SLITRK2: variants seen among roughly 807,000 people sequenced by gnomAD.
The protein encoded by SLITRK2 is SLIT and NTRK like family member 2.
Under a neutral mutation model 35.4 loss-of-function variants are expected in SLITRK2, and 13 were observed. That is an observed-to-expected ratio of 0.37 (90% CI 0.24 to 0.58). SLITRK2 has a LOEUF of 0.58. Ranked by LOEUF, SLITRK2 falls within the 20% of genes least tolerant of loss-of-function variation. SLITRK2 has a pLI of 0.75. For synonymous variants in SLITRK2, 294 were observed against 264.7 expected, an observed-to-expected ratio of 1.11 and a Z score of -1.07; for missense variants, 471 against 634.3, an observed-to-expected ratio of 0.74 and a Z score of 2.76.
chrX:145,822,317 T>C, intron 4 of SLITRK2, 66 bp from the exon 5 acceptor site: 1 of 671,518 alleles, frequency 1.5e-6, no homozygotes, highest in South Asian at 2.9e-5. Context: ...TGCTTTACCA[T>C]TTTTAATCGG....
rs1334700497 is a variant in SLITRK2, at chrX:145,822,687, G to A, written c.262G>A (p.Ala88Thr). 2.5e-6 allele frequency: 3 copies of A among 1,211,426 alleles called. No homozygotes were observed. Among genetic ancestry groups the A allele is most frequent in the Non-Finnish European group, 3.4e-6 (3 of 895,466 alleles). ...YPNEFVNYSNAVTLHLGNNGL... is the reference protein window; with the variant it reads ...YPNEFVNYSNTVTLHLGNNGL... ...AAACGAATTTGTCAATTACTCCAAC[G>A]CGGTGACTCTTCACCTAGGTAACAA... Residue 88 changes from alanine to threonine, a missense_variant, in exon 5 of 5, where the codon GCG becomes ACG. Transcript: ENST00000335565.
Position 145,824,182 on chromosome X carries a change from A to G in SLITRK2, c.1757A>G (p.Asp586Gly). ...TGTCCAGACAGCCCAAACTTGTCAG[A>G]TGGAACCGTCTTGTCAATGAATCAC... ...AICPDSPNLS[D>G]GTVLSMNHNT... Residue 586 changes from aspartate to glycine, a missense_variant, in exon 5 of 5, where the codon GAT becomes GGT. Physicochemically the swap from Asp to Gly is moderately conservative, Grantham distance 94. Around this residue, in one of 7 missense-constraint regions of SLITRK2, gnomAD observed 190 missense variants for 199.3 expected, o/e 0.95. Coordinates refer to ENST00000335565, the MANE Select transcript of SLITRK2 (RefSeq NM_032539.5). 8.3e-7 allele frequency: 1 copy of G among 1,210,022 alleles called. No individual in the cohort carries two copies. Among genetic ancestry groups the G allele is most frequent in the Non-Finnish European group, 1.1e-6 (1 of 894,695 alleles).
chrX:145,827,625 G>C lies in SLITRK2; in HGVS notation c.*2662G>C. ...TTATGGTTTAATTCTATATCCTCTT[G>C]CTTGTTACAGTTATACTTAATTTGC... On this transcript the variant is annotated 3_prime_UTR_variant, in exon 5 of 5. Transcript: ENST00000335565. 6 of 975,549 alleles carry C rather than the reference G, an allele frequency of 6.2e-6. No individual in the cohort carries two copies. The highest frequency in any genetic ancestry group is 8.2e-6 in the Non-Finnish European group (6 of 732,274). 80.4% of individuals were successfully genotyped at this position (975,549 alleles called of 1,213,427 possible).
Position 145,824,289 on chromosome X carries a change from A to G in SLITRK2, c.1864A>G (p.Ile622Val), listed in dbSNP as rs782367937. ...CACTGAAGTTCCACTGTCTGTCTTAATTCTGGGATTGCTTGTTGTTTTCAT... is the reference window on the plus strand; with the variant it reads ...CACTGAAGTTCCACTGTCTGTCTTAGTTCTGGGATTGCTTGTTGTTTTCAT... ...LHTEVPLSVL[I>V]LGLLVVFILS... The change falls in exon 5 of 5, where the codon ATT (isoleucine) becomes GTT (valine). Residue 622 changes from isoleucine (I) to valine (V), a missense_variant. Around this residue, in one of 7 missense-constraint regions of SLITRK2, gnomAD observed 190 missense variants for 199.3 expected, o/e 0.95. Coordinates refer to ENST00000335565, the MANE Select transcript of SLITRK2 (RefSeq NM_032539.5). 16 of 1,210,977 alleles carry G rather than the reference A, an allele frequency of 1.3e-5. No individual in the cohort carries two copies. Among genetic ancestry groups the G allele is most frequent in the African/African-American group, 1.7e-5 (1 of 57,619 alleles).
In SLITRK2 at chrX:145,817,869, G is replaced by T. The variant is rs371594683; in HGVS notation, c.-950G>T. 1.9e-5 allele frequency: 2 copies of T among 107,402 alleles called. No individual in the cohort carries two copies. Among genetic ancestry groups the T allele is most frequent in the East Asian group, 6.0e-4 (2 of 3,319 alleles). The allele number at this position is 107,402 out of a possible 1,213,427, so 8.9% of individuals were successfully genotyped here. On this transcript the variant is annotated 5_prime_UTR_variant, in exon 1 of 5. Transcript: ENST00000335565. ...AGCGTTGCCCGTTGGCTAGCTGCTCGGTGGGGATCTGCCTGCCCTGGGGGC... is the reference window on the plus strand; with the variant it reads ...AGCGTTGCCCGTTGGCTAGCTGCTCTGTGGGGATCTGCCTGCCCTGGGGGC...
rs2124202419 is a variant in SLITRK2 at position 145,824,455 on chromosome X, A to G, written c.2030A>G (p.His677Arg). Residue 677 changes from histidine (H) to arginine (R), a missense_variant, in exon 5 of 5, where the codon CAC (histidine) becomes CGC (arginine). Physicochemically the swap from His to Arg is conservative, Grantham distance 29 (BLOSUM62 0). This residue lies in a region of SLITRK2 where 190 missense variants were observed against 199.3 expected (regional missense o/e 0.95). Transcript: ENST00000335565. ...LQYGSYNTET[H>R]DKTDGHVYNY... ...TATGGGTCTTACAACACTGAGACTC[A>G]CGATAAAACAGACGGCCATGTCTAC... The G allele has an allele frequency of 2.5e-6, 3 of 1,211,502 alleles. No individual in the cohort carries two copies. The highest frequency in any genetic ancestry group is 3.4e-6 in the Non-Finnish European group (3 of 895,442).
rs1241010700 is a variant in SLITRK2, at chrX:145,824,924, C to T, written c.2499C>T (p.Leu833=). 2 of 1,208,947 alleles carry T rather than the reference C, an allele frequency of 1.7e-6. No homozygotes were observed. Among genetic ancestry groups the T allele is most frequent in the East Asian group, 3.0e-5 (1 of 33,813 alleles). ...QAKPQSEPDY[L]EVLEKQTAIS... ...AGCCGCAATCAGAACCGGACTACCT[C>T]GAAGTTCTGGAAAAACAAACTGCAA... Residue 833 remains leucine (L), a synonymous_variant, in exon 5 of 5, where the codon CTC becomes CTT. Transcript: ENST00000335565.
rs2073149550 is a variant in SLITRK2, at chrX:145,828,904, TG to T, written c.*3943del. The T allele has an allele frequency of 8.1e-6, 1 of 123,667 alleles. No individual in the cohort carries two copies. Among genetic ancestry groups the T allele is most frequent in the South Asian group, 3.7e-4 (1 of 2,734 alleles). 10.2% of individuals were successfully genotyped at this position (123,667 alleles called of 1,213,427 possible). On this transcript the variant is annotated 3_prime_UTR_variant, in exon 5 of 5. Transcript: ENST00000335565. The stretch of plus-strand genomic sequence containing the variant: ...TTTTGCAAAATAAGGCCCAATGTTA[TG>T]GCCTAATGAAAGCTATATACTTGTG...
Position 145,827,545 on chromosome X carries a change from A to T in SLITRK2, c.*2582A>T. 3.5e-6 allele frequency: 2 copies of T among 564,155 alleles called. No homozygotes were observed. The highest frequency in any genetic ancestry group is 9.9e-5 in the Admixed American group (2 of 20,153). The allele number at this position is 564,155 out of a possible 1,213,427, so 46.5% of individuals were successfully genotyped here. A position where few individuals can be genotyped will look rare whatever the true frequency, so the allele number is the denominator to read the frequency against. ...ACCTTAATATTAACTTACTTACACG[A>T]TTTTAAAGACGCCTACTGAGAGAAC... On this transcript the variant is annotated 3_prime_UTR_variant, in exon 5 of 5. Transcript: ENST00000335565.
rs7884685 is a variant in SLITRK2, at chrX:145,823,920, C to T, written c.1495C>T (p.Leu499=). 0.026 allele frequency: 31,505 copies of T among 1,209,331 alleles called. 1,825 individuals carry two copies. In the East Asian group the frequency reaches 0.29, roughly 11 times the overall value. ...ATTTGGGGGGACGGCCCTAACCAGG[C>T]TGAATCTGAGAAACAACCATTTTTC... The part of the protein sequence containing the change: ...NIFGGTALTR[L]NLRNNHFSHL... Residue 499 remains leucine, a synonymous_variant, in exon 5 of 5, where the codon CTG becomes TTG. Coordinates refer to ENST00000335565, the MANE Select transcript of SLITRK2 (RefSeq NM_032539.5).
In SLITRK2 at chrX:145,823,657, T is replaced by C. The variant is rs2124180690; in HGVS notation, c.1232T>C (p.Ile411Thr). ...LDLLHLGNNR[I>T]AVIQEGAFTN... Reference sequence around the variant, plus strand: ...TTACTGCACTTAGGAAACAACAGGATTGCAGTCATTCAGGAAGGTGCCTTT... The same window carrying C: ...TTACTGCACTTAGGAAACAACAGGACTGCAGTCATTCAGGAAGGTGCCTTT... Residue 411 changes from isoleucine (I) to threonine (T), a missense_variant, in exon 5 of 5, where the codon ATT becomes ACT. Around this residue, in one of 7 missense-constraint regions of SLITRK2, gnomAD observed 92 missense variants for 184.2 expected, o/e 0.50. Transcript: ENST00000335565. The C allele has an allele frequency of 8.3e-7, 1 of 1,211,610 alleles. No individual in the cohort carries two copies. Among genetic ancestry groups the C allele is most frequent in the East Asian group, 3.0e-5 (1 of 33,851 alleles).
rs782688644 is a variant in SLITRK2 at position 145,825,381 on chromosome X, T to C, written c.*418T>C. On this transcript the variant is annotated 3_prime_UTR_variant, in exon 5 of 5. Transcript: ENST00000335565. ...TTCAAATGAAAATGGATATTTAGTG[T>C]ATTTTGTAGAAGATCTCCAAAGATC... 1 of 132,031 alleles carries C rather than the reference T, an allele frequency of 7.6e-6. No individual in the cohort carries two copies. The highest frequency in any genetic ancestry group is 9.2e-5 in the Admixed American group (1 of 10,822). The allele number at this position is 132,031 out of a possible 1,213,427, so 10.9% of individuals were successfully genotyped here. A position where few individuals can be genotyped will look rare whatever the true frequency, so the allele number is the denominator to read the frequency against.
rs782738872 is a variant in SLITRK2 at position 145,824,177 on chromosome X, G to A, written c.1752G>A (p.Leu584=). ...CTATCTGTCCAGACAGCCCAAACTT[G>A]TCAGATGGAACCGTCTTGTCAATGA... is the stretch of plus-strand genomic sequence containing the variant. ...REAICPDSPN[L]SDGTVLSMNH... Residue 584 remains leucine (L), a synonymous_variant, in exon 5 of 5, where the codon TTG becomes TTA. Coordinates refer to ENST00000335565, the MANE Select transcript of SLITRK2 (RefSeq NM_032539.5). 2.5e-6 allele frequency: 3 copies of A among 1,209,899 alleles called. No homozygotes were observed. Among genetic ancestry groups the A allele is most frequent in the African/African-American group, 3.5e-5 (2 of 57,682 alleles).
In SLITRK2 at chrX:145,828,473, T is replaced by C. The variant is rs2073145635; in HGVS notation, c.*3510T>C. Reference sequence around the variant, plus strand: ...GTCCATTCATTTCTTCATTCATTTGTTCATTCAGTAGTTATTGAGTGCTTA... The same window carrying C: ...GTCCATTCATTTCTTCATTCATTTGCTCATTCAGTAGTTATTGAGTGCTTA... On this transcript the variant is annotated 3_prime_UTR_variant, in exon 5 of 5. Coordinates refer to ENST00000335565, the MANE Select transcript of SLITRK2 (RefSeq NM_032539.5). 1 of 126,504 alleles carries C rather than the reference T, an allele frequency of 7.9e-6. No individual in the cohort carries two copies. Among genetic ancestry groups the C allele is most frequent in the Non-Finnish European group, 1.8e-5 (1 of 55,581 alleles). 10.4% of individuals were successfully genotyped at this position (126,504 alleles called of 1,213,427 possible).
In SLITRK2 at chrX:145,828,006, A is replaced by G. The variant is rs782483214; in HGVS notation, c.*3043A>G. ...AGAACATATCTGTATGTCTGGCCCT[A>G]CAAATGACAAATGGTAATTCCCTTC... On this transcript the variant is annotated 3_prime_UTR_variant, in exon 5 of 5. Transcript: ENST00000335565. 8.6e-7 allele frequency: 1 copy of G among 1,157,078 alleles called. No homozygotes were observed. Among genetic ancestry groups the G allele is most frequent in the Non-Finnish European group, 1.1e-6 (1 of 869,937 alleles).
At position 145,827,687 on chromosome X, in the gene SLITRK2, A is replaced by G. The variant is rs782628189; in HGVS notation, c.*2724A>G. 6.3e-6 allele frequency: 7 copies of G among 1,117,175 alleles called. No homozygotes were observed. Among genetic ancestry groups the G allele is most frequent in the Non-Finnish European group, 7.2e-6 (6 of 834,288 alleles). 92.1% of individuals were successfully genotyped at this position (1,117,175 alleles called of 1,213,427 possible). A position where few individuals can be genotyped will look rare whatever the true frequency, so the allele number is the denominator to read the frequency against. On this transcript the variant is annotated 3_prime_UTR_variant, in exon 5 of 5. Transcript: ENST00000335565. ...AAATGAAATTATTTGAATGTATTCC[A>G]GACTATTTTATTTAAAATCATCATA...
rs2124208849 is a variant in SLITRK2 at position 145,824,658 on chromosome X, A to G, written c.2233A>G (p.Lys745Glu). Reference protein sequence around the residue: ...YTISATELLEKQATPREPELL... With the variant: ...YTISATELLEEQATPREPELL... Reference sequence around the variant, plus strand: ...AATAAGTGCCACTGAGCTGCTAGAAAAGCAGGCCACACCAAGAGAGCCTGA... The same window carrying G: ...AATAAGTGCCACTGAGCTGCTAGAAGAGCAGGCCACACCAAGAGAGCCTGA... Residue 745 changes from lysine (K) to glutamate (E), a missense_variant, in exon 5 of 5, where the codon AAG becomes GAG. By Grantham distance (56) the Lys-to-Glu change is moderately conservative. Transcript: ENST00000335565. 8.3e-7 allele frequency: 1 copy of G among 1,211,711 alleles called. No homozygotes were observed.
In SLITRK2 at chrX:145,828,018, T is replaced by A. The variant is rs200117320; in HGVS notation, c.*3055T>A. Reference sequence around the variant, plus strand: ...TATGTCTGGCCCTACAAATGACAAATGGTAATTCCCTTCTATTTTAGCTCT... The same window carrying A: ...TATGTCTGGCCCTACAAATGACAAAAGGTAATTCCCTTCTATTTTAGCTCT... On this transcript the variant is annotated 3_prime_UTR_variant, in exon 5 of 5. Coordinates refer to ENST00000335565, the MANE Select transcript of SLITRK2 (RefSeq NM_032539.5). 7.0e-5 allele frequency: 80 copies of A among 1,146,109 alleles called. No individual in the cohort carries two copies. Among genetic ancestry groups the A allele is most frequent in the Non-Finnish European group, 4.0e-5 (35 of 864,250 alleles). The allele number at this position is 1,146,109 out of a possible 1,213,427, so 94.5% of individuals were successfully genotyped here. A position where few individuals can be genotyped will look rare whatever the true frequency, so the allele number is the denominator to read the frequency against.
Position 145,827,836 on chromosome X carries a change from A to C in SLITRK2, c.*2873A>C. The C allele has an allele frequency of 8.3e-7, 1 of 1,211,281 alleles. No homozygotes were observed. The highest frequency in any genetic ancestry group is 1.1e-6 in the Non-Finnish European group (1 of 895,411). On this transcript the variant is annotated 3_prime_UTR_variant, in exon 5 of 5. Coordinates refer to ENST00000335565, the MANE Select transcript of SLITRK2 (RefSeq NM_032539.5). ...TATCTGCTCAAGCACTTTCGACCAT[A>C]TTTTATTTTAGGATTTTTATTTTTA...
Sources: allele counts gnomAD v4.1 joint callset, GRCh38; gene constraint gnomAD v4.1.1; regional missense constraint gnomAD v4.1.1; transcripts MANE v1.5; gene names NCBI Gene and HGNC (gene_info 2026-07-23, HGNC 2026-07-21).